KCNK13: variants seen among roughly 807,000 people sequenced by gnomAD.
KCNK13 encodes the protein potassium two pore domain channel subfamily K member 13.
Under a neutral mutation model 23.4 loss-of-function variants are expected in KCNK13, and 12 were observed. The observed-to-expected ratio is 0.51, with a 90% CI of 0.33 to 0.83. The LOEUF (loss-of-function observed/expected upper bound fraction) is 0.83, where lower values mean the gene tolerates loss of function less well. Ranked by LOEUF, KCNK13 falls within the 40% of genes least tolerant of loss-of-function variation. KCNK13 has a pLI of 0.02. For synonymous variants in KCNK13, 231 were observed against 229.5 expected (o/e 1.01, Z -0.06); for missense variants, 463 against 556.3 (o/e 0.83, Z 1.69).
intron 1 of KCNK13, among the ~76,000 whole-genome samples, chr14:90,063,939 G>A (rs1235458452): frequency 2.6e-5 from 4 of 152,162 alleles, no homozygotes; most frequent in African/African-American, 4.8e-5. Context: ...CAGATGGTGC[G>A]GCCCATCAGC....
intron 1 of KCNK13, among the ~76,000 whole-genome samples, chr14:90,128,552 G>A (rs1436838004): frequency 6.6e-6 from 1 of 152,080 alleles, no homozygotes. Context: ...GAAATAAAGG[G>A]CCAGCCCTCA....
chr14:90,095,844 C>T (rs1202074279), intron 1 of KCNK13, among the ~76,000 whole-genome samples: 2 of 152,196 alleles, frequency 1.3e-5, no homozygotes, highest in African/African-American at 4.8e-5. Flanking sequence ...CCCCCACCTT[C>T]AGGTGTCAAC....
At chr14:90,121,471 A>G (rs1889738286) in intron 1 of KCNK13, among the ~76,000 whole-genome samples, 1 of 152,196 alleles carries the variant, frequency 6.6e-6, no homozygotes, top group African/African-American at 2.4e-5. Flanking sequence ...ATTCCCAAGC[A>G]TTGTAATGGG....
At chr14:90,176,691 G>A (rs770809953) in intron 1 of KCNK13, among the ~76,000 whole-genome samples, 4 of 152,164 alleles carry the variant, frequency 2.6e-5, no homozygotes, top group Non-Finnish European at 5.9e-5. Flanking sequence ...TGCAACTTGA[G>A]AAAACCTGCT....
chr14:90,069,139 C>T (rs970940104), intron 1 of KCNK13, among the ~76,000 whole-genome samples: 4 of 145,740 alleles, frequency 2.7e-5, no homozygotes, highest in Non-Finnish European at 4.4e-5. Context: ...CGGGTTCAAG[C>T]GATTCTCTTG....
chr14:90,111,680 C>T (rs1432433312), intron 1 of KCNK13, among the ~76,000 whole-genome samples: 3 of 152,162 alleles, frequency 2.0e-5, no homozygotes, highest in African/African-American at 7.2e-5. Flanking sequence ...TCTCTAGATG[C>T]AGAATGTCCC....
At chr14:90,068,865 G>A (rs1889039313) in intron 1 of KCNK13, among the ~76,000 whole-genome samples, 1 of 151,998 alleles carries the variant, frequency 6.6e-6, no homozygotes, top group Admixed American at 6.6e-5. Context: ...TCGCCAACTG[G>A]AAGTCAAGTG....
chr14:90,171,403 A>T (rs965381363), intron 1 of KCNK13, among the ~76,000 whole-genome samples: 2 of 152,258 alleles, frequency 1.3e-5, no homozygotes, highest in African/African-American at 4.8e-5. Flanking sequence ...TTCATAATTC[A>T]TAAAGACTGC....
At chr14:90,165,667 T>C (rs780915243) in intron 1 of KCNK13, among the ~76,000 whole-genome samples, 1 of 152,354 alleles carries the variant, frequency 6.6e-6, no homozygotes, top group Non-Finnish European at 1.5e-5. Context: ...TTTTAAGGAA[T>C]AGTTTCACAA....
chr14:90,178,532 C>T (rs543932391), intron 1 of KCNK13, among the ~76,000 whole-genome samples: 43 of 151,988 alleles, frequency 2.8e-4, no homozygotes, highest in African/African-American at 7.5e-4. Context: ...TCAGGTGATC[C>T]GCCCGCCTCA....
chr14:90,087,829 C>T (rs577619847), intron 1 of KCNK13, among the ~76,000 whole-genome samples: 7 of 152,198 alleles, frequency 4.6e-5, no homozygotes, highest in African/African-American at 1.4e-4. Context: ...GCCCTGCTCC[C>T]TTGTCTCTGC....
chr14:90,127,580 A>C (rs1157396697), intron 1 of KCNK13, among the ~76,000 whole-genome samples: 1 of 149,650 alleles, frequency 6.7e-6, no homozygotes, highest in African/African-American at 2.5e-5. Flanking sequence ...TGGGAGGCTG[A>C]GGCAGGAGGA....
rs1346530520 is a variant in KCNK13, at chr14:90,062,463, C to G, written c.258C>G (p.Ile86Met). 18 of 1,545,798 alleles carry G rather than the reference C, an allele frequency of 1.2e-5. No homozygotes were observed. The highest frequency in any genetic ancestry group is 1.6e-5 in the Non-Finnish European group (18 of 1,146,014). ...ACGAGGAGGCCACTCGGGCCGGCAT[C>G]CGCGTGGACAACGTCCGCCCGCGCT... Reference protein sequence around the residue: ...RHYEEATRAGIRVDNVRPRWD... With the variant: ...RHYEEATRAGMRVDNVRPRWD... The change falls in exon 1 of 2, where the codon ATC becomes ATG. Residue 86 changes from isoleucine (I) to methionine (M), a missense_variant. Physicochemically the swap from Ile to Met is conservative, Grantham distance 10 (BLOSUM62 1). This residue lies in a region of KCNK13 where 153 missense variants were observed against 153.6 expected (regional missense o/e 1.00). Coordinates refer to ENST00000282146, the MANE Select transcript of KCNK13 (RefSeq NM_022054.4). The surrounding 1 kb of genome is among the most constrained non-coding windows in gnomAD (Gnocchi z 4.5).
At chr14:90,174,015 G>A (rs1444938422) in intron 1 of KCNK13, among the ~76,000 whole-genome samples, 1 of 152,066 alleles carries the variant, frequency 6.6e-6, no homozygotes, top group African/African-American at 2.4e-5. Flanking sequence ...TTATAAAACT[G>A]TCAGATCTCG....
intron 1 of KCNK13, among the ~76,000 whole-genome samples, chr14:90,119,893 C>T (rs1376984554): frequency 6.6e-6 from 1 of 152,178 alleles, no homozygotes; most frequent in Non-Finnish European, 1.5e-5. Context: ...GAGCACTGCA[C>T]CTGGCCTTCT....
chr14:90,099,733 A>T (rs1347967995), intron 1 of KCNK13, among the ~76,000 whole-genome samples: 1 of 152,230 alleles, frequency 6.6e-6, no homozygotes, highest in East Asian at 1.9e-4. Flanking sequence ...CACACAGCAG[A>T]TAAACAGACA....
In KCNK13 at chr14:90,074,075, T is replaced by C. The variant is rs117739312; in HGVS notation, c.334+11536T>C. Among the ~76,000 whole-genome samples, 307 of 152,250 alleles carry C rather than the reference T, an allele frequency of 2.0e-3. 6 individuals carry two copies. In the East Asian group the frequency reaches 0.046, roughly 23 times the overall value. On this transcript the variant is annotated intron_variant, in intron 1 of 1. Transcript: ENST00000282146. ...CCTCCGCCTGCCCAGGTTCAAGTGA[T>C]TCTTCCACCTTAGCCTCCCGAGTAG...
intron 1 of KCNK13, among the ~76,000 whole-genome samples, chr14:90,139,087 C>T (rs1274144625): frequency 6.6e-6 from 1 of 152,196 alleles, no homozygotes; most frequent in East Asian, 1.9e-4. Context: ...CAGTGTGGTT[C>T]AGACATCCAG....
Position 90,184,847 on chromosome 14 carries a change from G to T in KCNK13, c.1071G>T (p.Lys357Asn). ...ISMKDLLAAN[K>N]ASLAILQKQL... is the part of the protein sequence containing the mutation. ...TGAAGGACTTGCTGGCAGCCAACAA[G>T]GCCTCGTTGGCCATCCTGCAGAAGC... is the stretch of plus-strand genomic sequence containing the variant. The change falls in exon 2 of 2, where the codon AAG (lysine) becomes AAT (asparagine). Residue 357 changes from lysine (K) to asparagine (N), a missense_variant. By Grantham distance (94) the Lys-to-Asn change is moderately conservative. Around this residue, in one of 3 missense-constraint regions of KCNK13, gnomAD observed 166 missense variants for 178.8 expected, o/e 0.93. Coordinates refer to ENST00000282146, the MANE Select transcript of KCNK13 (RefSeq NM_022054.4). This position sits in a 1 kb window ranked among gnomAD's most constrained non-coding sequence, Gnocchi z 5.6. The T allele has an allele frequency of 6.2e-7, 1 of 1,613,850 alleles. No individual in the cohort carries two copies. Among genetic ancestry groups the T allele is most frequent in the South Asian group, 1.1e-5 (1 of 91,074 alleles).
Sources: gnomAD v4.1 joint callset for allele counts (sites outside exome capture counted in the v4.1 genomes callset) on GRCh38, gnomAD v4.1.1 for gene constraint, gnomAD v4.1.1 regional missense constraint, Gnocchi (gnomAD v3.1) non-coding constraint, MANE v1.5 for transcripts, NCBI Gene and HGNC (gene_info 2026-07-23, HGNC 2026-07-21) for gene names.